KIF1B: variants seen among roughly 807,000 people sequenced by gnomAD.
KIF1B encodes kinesin-like protein KIF1B.
A neutral mutation model predicts 241.9 loss-of-function variants in KIF1B; 76 were observed. The observed-to-expected ratio is 0.31, with a 90% CI of 0.26 to 0.38. The LOEUF is 0.38. KIF1B is among the 10% of genes least tolerant of loss of function. KIF1B has a pLI of 1.00. For synonymous variants in KIF1B, 750 were observed against 796.7 expected, an observed-to-expected ratio of 0.94 and a Z score of 0.99; for missense variants, 1,622 against 2,271.4, an observed-to-expected ratio of 0.71 and a Z score of 5.81.
intron 1 of KIF1B, among the ~76,000 whole-genome samples, chr1:10,222,148 A>G (rs1314450221): frequency 6.6e-6 from 1 of 152,076 alleles, no homozygotes; most frequent in Non-Finnish European, 1.5e-5. Context: ...GGAGCAAAGG[A>G]AAAAAAAGGT....
chr1:10,298,739 A>G (rs186369327), intron 22 of KIF1B, among the ~76,000 whole-genome samples: 1 of 152,346 alleles, frequency 6.6e-6, no homozygotes, highest in Admixed American at 6.5e-5. Flanking sequence ...TTGTATTTGT[A>G]TAGTGCTTTA....
intron 22 of KIF1B, chr1:10,306,201 T>C (rs1333502375): frequency 9.6e-7 from 1 of 1,040,066 alleles, no homozygotes; most frequent in Non-Finnish European, 1.2e-6. Context: ...ATTTTTGCTT[T>C]CATAGCTAGA....
Position 10,365,093 on chromosome 1 carries a change from G to T in KIF1B, c.4367-7G>T, listed in dbSNP as rs779871702. On this transcript the variant is annotated splice_region_variant and splice_polypyrimidine_tract_variant and intron_variant, in intron 41 of 48. Coordinates refer to ENST00000676179, the MANE Select transcript of KIF1B (RefSeq NM_001365951.3). The surrounding 1 kb of genome is among the most constrained non-coding windows in gnomAD (Gnocchi z 4.0). ...CTGAAACAAAAACTTGTTTCCTCTT[G>T]TCTTAGGTATGCAGAGAAGGAGAAG... 1.2e-6 allele frequency: 2 copies of T among 1,612,610 alleles called. No homozygotes were observed. The highest frequency in any genetic ancestry group is 1.1e-5 in the South Asian group (1 of 91,050).
At chr1:10,307,120 A>G in intron 22 of KIF1B, 1 of 1,031,530 alleles carries the variant, frequency 9.7e-7, no homozygotes, top group East Asian at 6.1e-5. Flanking sequence ...AATTTCACAG[A>G]TGACCAGGAA....
intron 47 of KIF1B, 93 bp downstream of exon 47, chr1:10,375,139 T>G: frequency 2.0e-6 from 3 of 1,512,744 alleles, no homozygotes; most frequent in Non-Finnish European, 1.8e-6. Context: ...AATTTCCCTA[T>G]TCTCTCTGGT....
intron 32 of KIF1B, among the ~76,000 whole-genome samples, chr1:10,341,718 C>T (rs542683553): frequency 1.3e-5 from 2 of 152,136 alleles, no homozygotes; most frequent in Non-Finnish European, 2.9e-5. Context: ...TGCCTGTAAT[C>T]CAGCACTTTG....
At chr1:10,312,419 G>A (rs114627509) in intron 22 of KIF1B, among the ~76,000 whole-genome samples, 2,861 of 151,336 alleles carry the variant, frequency 0.019, 51 homozygotes, top group Non-Finnish European at 0.028. Context: ...AGTTCCTCCT[G>A]AGTCCCACAG....
chr1:10,279,014 A>G, intron 13 of KIF1B, 83 bp from the exon 14 acceptor site: 1 of 972,954 alleles, frequency 1.0e-6, no homozygotes, highest in Non-Finnish European at 1.6e-6. Flanking sequence ...CCCAAATGCC[A>G]AAAACTGCTC....
intron 1 of KIF1B, among the ~76,000 whole-genome samples, chr1:10,227,067 C>A (rs1383415685): frequency 7.5e-6 from 1 of 133,354 alleles, no homozygotes; most frequent in Non-Finnish European, 1.5e-5. Flanking sequence ...GATGAAGTCT[C>A]GCTCTCTTAC....
chr1:10,372,658 ACAGAGCTG>A (rs1638771202), intron 45 of KIF1B, among the ~76,000 whole-genome samples: 1 of 116,668 alleles, frequency 8.6e-6, no homozygotes, highest in Non-Finnish European at 1.7e-5. Context: ...AGCTTGGGTG[ACAGAGCTG>A]TCACCCAAGC....
At chr1:10,307,913 T>C in intron 22 of KIF1B, 1 of 1,050,992 alleles carries the variant, frequency 9.5e-7, no homozygotes, top group Non-Finnish European at 1.1e-6. Context: ...TCTAATTCCT[T>C]CTAGCCCAGT....
intron 38 of KIF1B, among the ~76,000 whole-genome samples, chr1:10,359,511 T>C (rs952187288): frequency 1.2e-4 from 18 of 152,300 alleles, no homozygotes; most frequent in African/African-American, 4.1e-4. Context: ...TCAATTAGAG[T>C]TAATGTTGTT....
Position 10,271,534 on chromosome 1 carries a change from A to G in KIF1B, c.753A>G (p.Gly251=). Residue 251 remains glycine (G), a synonymous_variant, in exon 8 of 49, where the codon GGA becomes GGG. Coordinates refer to ENST00000676179, the MANE Select transcript of KIF1B (RefSeq NM_001365951.3). The part of the protein sequence containing the change: ...VSKISLVDLA[G]SERADSTGAK... Reference sequence around the variant, plus strand: ...AAATCAGCTTGGTGGATCTAGCAGGAAGTGAACGAGCTGATTCAACTGGTG... The same window carrying G: ...AAATCAGCTTGGTGGATCTAGCAGGGAGTGAACGAGCTGATTCAACTGGTG... 6.2e-7 allele frequency: 1 copy of G among 1,614,030 alleles called. No individual in the cohort carries two copies. The highest frequency in any genetic ancestry group is 8.5e-7 in the Non-Finnish European group (1 of 1,179,892).
chr1:10,233,967 C>G (rs1203402027), intron 2 of KIF1B, among the ~76,000 whole-genome samples: 1 of 151,858 alleles, frequency 6.6e-6, no homozygotes, highest in Non-Finnish European at 1.5e-5. Context: ...CAACTATAAA[C>G]TGGAGGTAAT....
Position 10,303,416 on chromosome 1 carries a change from G to C in KIF1B, c.2115+6170G>C. ...AAAATTCAGGCTGTCAAAGAGATTT[G>C]CTATGAGGTTGCTCTCAATGACTTC... is the stretch of plus-strand genomic sequence containing the variant. On this transcript the variant is annotated intron_variant, in intron 22 of 48. Transcript: ENST00000676179. This position sits in a 1 kb window ranked among gnomAD's most constrained non-coding sequence, Gnocchi z 5.2. The C allele has an allele frequency of 1.2e-6, 2 of 1,614,222 alleles. No homozygotes were observed. Among genetic ancestry groups the C allele is most frequent in the Non-Finnish European group, 1.7e-6 (2 of 1,180,056 alleles).
Position 10,376,533 on chromosome 1 carries a change from T to C in KIF1B, c.5409-12T>C. 1 of 1,613,976 alleles carries C rather than the reference T, an allele frequency of 6.2e-7. No homozygotes were observed. The highest frequency in any genetic ancestry group is 8.5e-7 in the Non-Finnish European group (1 of 1,179,848). On this transcript the variant is annotated splice_polypyrimidine_tract_variant and intron_variant, in intron 48 of 48. Coordinates refer to ENST00000676179, the MANE Select transcript of KIF1B (RefSeq NM_001365951.3). ...AGACTTCTAATCCTACCTCCCCGTT[T>C]GTCCCCCATAGGTCAAAGCTTTCCC...
Position 10,258,484 on chromosome 1 carries a change from T to C in KIF1B, c.184-9T>C. ...AAAGGTTATTTATTTCTCCTTTTAC[T>C]CTTTACAGCCCGAAGATCCCTGTTT... On this transcript the variant is annotated splice_polypyrimidine_tract_variant and intron_variant, in intron 3 of 48. Coordinates refer to ENST00000676179, the MANE Select transcript of KIF1B (RefSeq NM_001365951.3). The C allele has an allele frequency of 6.2e-7, 1 of 1,611,748 alleles. No homozygotes were observed. The highest frequency in any genetic ancestry group is 1.1e-5 in the South Asian group (1 of 91,036).
chr1:10,296,548 A>C (rs1232177437), intron 19 of KIF1B, 34 bp from the exon 20 acceptor site: 2 of 1,530,512 alleles, frequency 1.3e-6, no homozygotes, highest in African/African-American at 1.4e-5. Context: ...AATAGTTTGT[A>C]ATGATAACAT....
intron 1 of KIF1B, among the ~76,000 whole-genome samples, chr1:10,212,774 C>T (rs905146296): frequency 3.3e-5 from 5 of 151,200 alleles, no homozygotes; most frequent in Admixed American, 1.3e-4. Flanking sequence ...CCTGTATTCC[C>T]AGCTATTTGG....
Sources: gnomAD v4.1 joint callset for allele counts (sites outside exome capture counted in the v4.1 genomes callset) on GRCh38, gnomAD v4.1.1 for gene constraint, Gnocchi (gnomAD v3.1) non-coding constraint, MANE v1.5 for transcripts, NCBI Gene and HGNC (gene_info 2026-07-23, HGNC 2026-07-21) for gene names.